The following PNCK variants were observed in gnomAD, a reference collection of about 807,000 sequenced individuals.
PNCK encodes the protein pregnancy up-regulated nonubiquitous CaM kinase.
Under a neutral mutation model 28.3 loss-of-function variants are expected in PNCK, and 21 were observed. The ratio of observed to expected loss-of-function variants is 0.74; its 90% CI spans 0.53 to 1.07. The LOEUF (loss-of-function observed/expected upper bound fraction) is 1.07. Among genes scored for constraint, PNCK ranks in the 50% least tolerant of loss-of-function variants. PNCK has a pLI of 0.00. For missense variants in PNCK, 250 were observed against 298.3 expected, an observed-to-expected ratio of 0.84 and a Z score of 1.19; for synonymous variants, 136 against 125.2, an observed-to-expected ratio of 1.09 and a Z score of -0.58.
At position 153,673,054 on chromosome X, in the gene PNCK, G is replaced by A; in HGVS notation, c.23C>T (p.Thr8Met). MLLLKKH[T>M]EDISSVYEIR... ...CTCGTAGACGCTGCTGATGTCCTCC[G>A]TGTGTTTCTTCAGCAGCAGCATGTC... The change falls in exon 2 of 12, where the codon ACG becomes ATG. Residue 8 changes from threonine to methionine, a missense_variant. Thr to Met is a moderately conservative substitution (Grantham distance 81). Coordinates refer to ENST00000340888, the MANE Select transcript of PNCK (RefSeq NM_001366977.1). 1 of 1,199,238 alleles carries A rather than the reference G, an allele frequency of 8.3e-7. No homozygotes were observed. The highest frequency in any genetic ancestry group is 1.1e-6 in the Non-Finnish European group (1 of 887,360).
In PNCK at chrX:153,670,032, C is replaced by T. The variant is rs1395025682; in HGVS notation, c.*106G>A. On this transcript the variant is annotated 3_prime_UTR_variant, in exon 12 of 12. Coordinates refer to ENST00000340888, the MANE Select transcript of PNCK (RefSeq NM_001366977.1). The stretch of plus-strand genomic sequence containing the variant: ...CGCCACACCCTCAAATCTCAAAATC[C>T]AGCAGAGGCCAGCCCCAGGGGGAGG... The T allele has an allele frequency of 2.5e-5, 7 of 277,795 alleles. No individual in the cohort carries two copies. The highest frequency in any genetic ancestry group is 2.0e-4 in the African/African-American group (7 of 35,882). 22.9% of individuals were successfully genotyped at this position (277,795 alleles called of 1,213,427 possible).
At chrX:153,677,203 G>C (rs1266245049), upstream of PNCK, among the ~76,000 whole-genome samples, 2 of 111,886 alleles carry the variant, frequency 1.8e-5, no homozygotes, top group Non-Finnish European at 3.8e-5. Context: ...CTCCCAAAGT[G>C]CTGGGATTAC....
chrX:153,677,779 AG>A (rs1467658919), upstream of PNCK, among the ~76,000 whole-genome samples: 2 of 103,860 alleles, frequency 1.9e-5, no homozygotes, highest in African/African-American at 7.0e-5. Context: ...GTATATATAT[AG>A]TGTGTATATA....
chrX:153,680,221 G>A (rs2091389234), intron 1 of PNCK, among the ~76,000 whole-genome samples: 1 of 108,740 alleles, frequency 9.2e-6, no homozygotes, highest in African/African-American at 3.4e-5. Context: ...AATCCCCAAT[G>A]TTCAAGGTGG....
At chrX:153,672,893 A>C (rs1557040538) in intron 2 of PNCK, 116 bp downstream of exon 2, 1 of 947,490 alleles carries the variant, frequency 1.1e-6, no homozygotes, top group African/African-American at 1.9e-5. Flanking sequence ...ACATATTCAC[A>C]CACACACACA....
rs1308507964 is a variant in PNCK at position 153,670,539 on chromosome X, G to A, written c.950C>T (p.Pro317Leu). Residue 317 changes from proline to leucine, a missense_variant, in exon 11 of 12, where the codon CCA (proline) becomes CTA (leucine). By Grantham distance (98) the Pro-to-Leu change is moderately conservative. Transcript: ENST00000340888. Reference sequence around the variant, plus strand: ...CTGCTCAGAGGCCCCCTCGCCCTCTGGGATCTGCCCCAGCTTCCGGATGTG... The same window carrying A: ...CTGCTCAGAGGCCCCCTCGCCCTCTAGGATCTGCCCCAGCTTCCGGATGTG... ...LRHIRKLGQIPEGEGASEQGM... is the reference protein window; with the variant it reads ...LRHIRKLGQILEGEGASEQGM... The A allele has an allele frequency of 8.3e-7, 1 of 1,210,930 alleles. No homozygotes were observed.
At chrX:153,674,125 G>A (rs960079661), upstream of PNCK, 1 of 1,208,554 alleles carries the variant, frequency 8.3e-7, no homozygotes, top group East Asian at 3.0e-5. Context: ...TGCCTTCACC[G>A]CCTCTCCGAG....
chrX:153,672,273 C>T, intron 3 of PNCK, 73 bp from the exon 4 acceptor site: 1 of 1,034,789 alleles, frequency 9.7e-7, no homozygotes. Flanking sequence ...TGGGGAAAGC[C>T]TCCTCCCTCT....
chrX:153,677,607 A>G (rs889923970), upstream of PNCK, among the ~76,000 whole-genome samples: 2 of 97,263 alleles, frequency 2.1e-5, no homozygotes, highest in African/African-American at 4.3e-5. Context: ...TATAGTGTGT[A>G]TATATATAGT....
At chrX:153,672,855 AC>A (rs1557040507) in intron 2 of PNCK, 153 bp downstream of exon 2, 1 of 927,960 alleles carries the variant, frequency 1.1e-6, no homozygotes, top group South Asian at 2.4e-5. Context: ...ATGCCATCTC[AC>A]AGACTCACTC....
chrX:153,675,962 G>GCTTTT (rs1287621213), upstream of PNCK, among the ~76,000 whole-genome samples: 1 of 105,544 alleles, frequency 9.5e-6, no homozygotes, highest in Admixed American at 9.9e-5. Flanking sequence ...GGGCAACATA[G>GCTTTT]CTTTTCTTTT....
chrX:153,678,645 A>G (rs2091380789), upstream of PNCK, among the ~76,000 whole-genome samples: 1 of 110,625 alleles, frequency 9.0e-6, no homozygotes, highest in Non-Finnish European at 1.9e-5. Context: ...TCTTAGTCTG[A>G]CAGATGCCTA....
In PNCK at chrX:153,672,144, A is replaced by T; in HGVS notation, c.257T>A (p.Leu86His). 1 of 1,205,809 alleles carries T rather than the reference A, an allele frequency of 8.3e-7. No homozygotes were observed. Among genetic ancestry groups the T allele is most frequent in the Non-Finnish European group, 1.1e-6 (1 of 892,375 alleles). The change falls in exon 4 of 12, where the codon CTC becomes CAC. Residue 86 changes from leucine to histidine, a missense_variant. Transcript: ENST00000340888. ...LEDVHESPSH[L>H]YLAMELVTGG... ...TCCTCACAGTTCCATGGCCAGGTAG[A>T]GGTGGGAAGGGCTCTCGTGGACATC... is the stretch of plus-strand genomic sequence containing the variant.
chrX:153,686,986 G>A (rs1396938846), intron 1 of PNCK: 1 of 124,559 alleles, frequency 8.0e-6, no homozygotes, highest in African/African-American at 3.2e-5. Flanking sequence ...AGCTGAGGGG[G>A]GCACACTTTA....
At chrX:153,685,044 G>T (rs892536628) in intron 1 of PNCK, among the ~76,000 whole-genome samples, 2 of 101,617 alleles carry the variant, frequency 2.0e-5, no homozygotes, top group African/African-American at 7.3e-5. Context: ...GGCACAGGTC[G>T]CAGGGCACCC....
chrX:153,673,714 C>A, intron 1 of PNCK, 66 bp downstream of exon 1: 1 of 636,665 alleles, frequency 1.6e-6, no homozygotes, highest in Non-Finnish European at 1.9e-6. Flanking sequence ...AAGGCTGCGG[C>A]GGCCGCGGGC....
At chrX:153,674,086 G>A, upstream of PNCK, 1 of 1,210,203 alleles carries the variant, frequency 8.3e-7, no homozygotes. Flanking sequence ...TCGGCCACAG[G>A]TCGGCAAGGC....
Position 153,672,570 on chromosome X carries a change from G to A in PNCK, c.196C>T (p.Arg66Cys), listed in dbSNP as rs139296709. 3.0e-5 allele frequency: 36 copies of A among 1,204,920 alleles called. No individual in the cohort carries two copies. The highest frequency in any genetic ancestry group is 3.0e-4 in the African/African-American group (17 of 57,516). ...AGGGCCCCGCGAGGTGCGCACCTAC[G>A]GAGCACTGCGATCTCGTTCTCCACC... ...ALVENEIAVL[R>C]RISHPNIVAL... The change falls in exon 3 of 12, where the codon CGT (arginine) becomes TGT (cysteine). Residue 66 changes from arginine to cysteine, a missense_variant. Physicochemically the swap from Arg to Cys is radical, Grantham distance 180. Coordinates refer to ENST00000340888, the MANE Select transcript of PNCK (RefSeq NM_001366977.1).
chrX:153,670,226 A>T, intron 11 of PNCK, 96 bp from the exon 12 acceptor site: 2 of 458,904 alleles, frequency 4.4e-6, no homozygotes, highest in Admixed American at 4.1e-5. Flanking sequence ...CGGACTTCTT[A>T]GAGGCCCTCT....
Sources: allele counts gnomAD v4.1 joint callset (sites outside exome capture counted in the v4.1 genomes callset), GRCh38; gene constraint gnomAD v4.1.1; transcripts MANE v1.5; gene names NCBI Gene and HGNC (gene_info 2026-07-23, HGNC 2026-07-21).